Variants in ATG7 observed in about 807,000 individuals in gnomAD.
ATG7 encodes autophagy related 7, also known as ubiquitin-like modifier-activating enzyme ATG7.
ATG7 carries 70 observed loss-of-function variants against 82.4 expected under a neutral mutation model. That is an observed-to-expected ratio of 0.85 (90% confidence interval 0.70 to 1.04). The LOEUF is 1.04. ATG7 is among the 50% of genes least tolerant of loss of function. The pLI is 0.00. For synonymous variants in ATG7, 287 were observed against 313.0 expected, an observed-to-expected ratio of 0.92 and a Z score of 0.88; for missense variants, 792 against 864.3, an observed-to-expected ratio of 0.92 and a Z score of 1.05.
chr3:11,522,157 A>T (rs1212420711), intron 20 of ATG7, among the ~76,000 whole-genome samples: 1 of 152,134 alleles, frequency 6.6e-6, no homozygotes, highest in Admixed American at 6.5e-5. Flanking sequence ...AAGCATTACA[A>T]GGTTATTCTT....
intron 10 of ATG7, 99 bp from the exon 11 acceptor site, chr3:11,332,873 T>C: frequency 1.6e-6 from 2 of 1,227,192 alleles, no homozygotes; most frequent in East Asian, 6.0e-5. Context: ...ATGCATTGAA[T>C]TCTCTCCAAC....
intron 19 of ATG7, among the ~76,000 whole-genome samples, chr3:11,417,377 A>G (rs2081460592): frequency 6.6e-6 from 1 of 152,226 alleles, no homozygotes; most frequent in Admixed American, 6.5e-5. Flanking sequence ...ATACGCATTA[A>G]GAACTGTGTC....
At chr3:11,399,534 G>A (rs1303311115) in intron 19 of ATG7, among the ~76,000 whole-genome samples, 1 of 151,856 alleles carries the variant, frequency 6.6e-6, no homozygotes, top group South Asian at 2.1e-4. Flanking sequence ...TGTAGAAGTG[G>A]CCTACCTTTC....
intron 20 of ATG7, among the ~76,000 whole-genome samples, chr3:11,487,100 A>G (rs2089770622): frequency 6.7e-6 from 1 of 149,490 alleles, no homozygotes; most frequent in Non-Finnish European, 1.5e-5. Flanking sequence ...CCCTTAATCC[A>G]TTTAACCCTG....
At chr3:11,296,811 A>G (rs555496239) in intron 3 of ATG7, among the ~76,000 whole-genome samples, 19 of 151,752 alleles carry the variant, frequency 1.3e-4, no homozygotes, top group African/African-American at 4.6e-4. Flanking sequence ...CCTTTTCAAC[A>G]TCACTCAGTG....
chr3:11,488,549 G>A lies in ATG7; in HGVS notation c.2079+61623G>A, dbSNP rs573232940. 769 of 1,014,422 alleles carry A rather than the reference G, an allele frequency of 7.6e-4. 24 individuals are homozygous for A. The Admixed American group carries it at 0.035, about 46-fold the overall frequency. The allele number at this position is 1,014,422 out of a possible 1,614,324, so 62.8% of individuals were successfully genotyped here. Reference sequence around the variant, plus strand: ...CACTGCCCCGGGCCGCAGCGCAGCGGCGCCAACCACCACCCGCGGCCACCA... The same window carrying A: ...CACTGCCCCGGGCCGCAGCGCAGCGACGCCAACCACCACCCGCGGCCACCA... On this transcript the variant is annotated intron_variant, in intron 20 of 20. Transcript: ENST00000693202.
At chr3:11,309,393 G>T (rs893519789) in intron 7 of ATG7, among the ~76,000 whole-genome samples, 2 of 151,908 alleles carry the variant, frequency 1.3e-5, no homozygotes, top group African/African-American at 4.8e-5. Context: ...ATAAAGGAAA[G>T]GTGCTTCTGG....
At chr3:11,399,399 T>C (rs995124327) in intron 19 of ATG7, among the ~76,000 whole-genome samples, 1 of 152,078 alleles carries the variant, frequency 6.6e-6, no homozygotes, top group African/African-American at 2.4e-5. Context: ...TATAGTTCAA[T>C]GTTAAAAAAC....
At chr3:11,527,750 G>T (rs746576394) in intron 20 of ATG7, among the ~76,000 whole-genome samples, 2 of 152,216 alleles carry the variant, frequency 1.3e-5, no homozygotes, top group Admixed American at 6.5e-5. Context: ...ATAGTTTAAA[G>T]AGGCTGAGTA....
chr3:11,361,985 G>A (rs1276452562), intron 16 of ATG7, among the ~76,000 whole-genome samples: 1 of 152,024 alleles, frequency 6.6e-6, no homozygotes, highest in Admixed American at 6.5e-5. Context: ...TGGCTTTTAT[G>A]CCCTCCCAAT....
chr3:11,558,592 CATGTGGGCAGAGGGGCTGGCG>C, downstream of ATG7: 2 of 1,604,972 alleles, frequency 1.2e-6, no homozygotes, highest in Non-Finnish European at 1.7e-6. Context: ...TGTGGCTGAC[CATGTGGGCAGAGGGGCTGGCG>C]GGCTGGCCCC....
chr3:11,386,329 G>A (rs1004610645), intron 19 of ATG7, among the ~76,000 whole-genome samples: 1 of 152,096 alleles, frequency 6.6e-6, no homozygotes, highest in African/African-American at 2.4e-5. Flanking sequence ...AAATAACCAC[G>A]ATCCAGCCAT....
chr3:11,561,913 TTTTA>T (rs1415591266), downstream of ATG7, among the ~76,000 whole-genome samples: 3 of 149,608 alleles, frequency 2.0e-5, no homozygotes, highest in African/African-American at 7.4e-5. Context: ...TTTTTTTTTT[TTTTA>T]AAGACAAAGT....
intron 20 of ATG7, among the ~76,000 whole-genome samples, chr3:11,539,270 TGA>T (rs1464150258): frequency 6.6e-6 from 1 of 152,192 alleles, no homozygotes; most frequent in Non-Finnish European, 1.5e-5. Context: ...ATTTCTCAGA[TGA>T]GAACACAGAG....
chr3:11,320,136 T>C (rs546101228), intron 9 of ATG7, among the ~76,000 whole-genome samples: 83 of 152,032 alleles, frequency 5.5e-4, no homozygotes, highest in Non-Finnish European at 9.4e-4. Flanking sequence ...CCTGGAACTC[T>C]CTTCTCTCTC....
chr3:11,461,122 G>A (rs1289448501), intron 20 of ATG7, among the ~76,000 whole-genome samples: 1 of 152,172 alleles, frequency 6.6e-6, no homozygotes, highest in African/African-American at 2.4e-5. Context: ...CAAAGGGTGG[G>A]GCAGGGTTTG....
At chr3:11,389,865 GA>G (rs1253911542) in intron 19 of ATG7, among the ~76,000 whole-genome samples, 1 of 152,206 alleles carries the variant, frequency 6.6e-6, no homozygotes, top group African/African-American at 2.4e-5. Flanking sequence ...ATATTTTAAA[GA>G]ACTCTATTGA....
At chr3:11,434,884 T>C (rs2083235425) in intron 20 of ATG7, among the ~76,000 whole-genome samples, 1 of 152,202 alleles carries the variant, frequency 6.6e-6, no homozygotes, top group Non-Finnish European at 1.5e-5. Flanking sequence ...CAGTCCTTCT[T>C]ACATTGTACT....
At chr3:11,536,684 C>T (rs1478903472) in intron 20 of ATG7, among the ~76,000 whole-genome samples, 3 of 152,180 alleles carry the variant, frequency 2.0e-5, no homozygotes, top group Admixed American at 1.3e-4. Context: ...AGGTGCGGAA[C>T]GAACCTGCTG....
Sources: allele counts gnomAD v4.1 joint callset (sites outside exome capture counted in the v4.1 genomes callset), GRCh38; gene constraint gnomAD v4.1.1; transcripts MANE v1.5; gene names NCBI Gene and HGNC (gene_info 2026-07-23, HGNC 2026-07-21).